Variants in RABGAP1L observed in about 807,000 individuals in gnomAD.
RABGAP1L encodes rab GTPase-activating protein 1-like.
Under a neutral mutation model 137.7 loss-of-function variants are expected in RABGAP1L, and 63 were observed. The ratio of observed to expected loss-of-function variants is 0.46; its 90% CI spans 0.37 to 0.56. RABGAP1L has a LOEUF of 0.56. Ranked by LOEUF, RABGAP1L falls within the 20% of genes least tolerant of loss-of-function variation. The pLI, the probability that RABGAP1L is intolerant of heterozygous loss-of-function variation, is 0.00. For missense variants in RABGAP1L, 1,095 were observed against 1,244.0 expected (o/e 0.88, Z 1.80); for synonymous variants, 431 against 433.7 (o/e 0.99, Z 0.08).
chr1:174,293,340 A>G (rs993907224), intron 10 of RABGAP1L, among the ~76,000 whole-genome samples: 1 of 152,164 alleles, frequency 6.6e-6, no homozygotes, highest in African/African-American at 2.4e-5. Flanking sequence ...GGTAAAATTC[A>G]GTGATTTATG....
chr1:174,367,984 C>T (rs1367098010), intron 11 of RABGAP1L: 1 of 153,388 alleles, frequency 6.5e-6, no homozygotes, highest in African/African-American at 2.4e-5. Flanking sequence ...TGCGAGCTTT[C>T]AGCAGCTGTG....
intron 7 of RABGAP1L, among the ~76,000 whole-genome samples, chr1:174,270,571 G>A (rs1001016082): frequency 6.6e-5 from 10 of 151,782 alleles, no homozygotes; most frequent in African/African-American, 2.4e-4. Flanking sequence ...TAAGAAATCT[G>A]CACTTGTAAT....
chr1:174,382,987 T>G (rs1490120526), intron 12 of RABGAP1L, among the ~76,000 whole-genome samples: 13 of 151,100 alleles, frequency 8.6e-5, no homozygotes, highest in South Asian at 2.1e-4. Context: ...GTCCTTTCTG[T>G]TTGTTAGTTT....
intron 1 of RABGAP1L, among the ~76,000 whole-genome samples, chr1:174,204,613 G>T (rs567491817): frequency 6.6e-6 from 1 of 152,232 alleles, no homozygotes; most frequent in East Asian, 1.9e-4. Context: ...ACATGAAGGG[G>T]TGTTGAATTT....
intron 10 of RABGAP1L, among the ~76,000 whole-genome samples, chr1:174,297,221 G>T (rs567512233): frequency 1.3e-4 from 20 of 152,310 alleles, no homozygotes; most frequent in African/African-American, 4.8e-4. Flanking sequence ...AGTTTTACAT[G>T]ACATAGTGTT....
chr1:174,926,110 C>A (rs370353797), intron 19 of RABGAP1L, among the ~76,000 whole-genome samples: 1 of 152,028 alleles, frequency 6.6e-6, no homozygotes, highest in Admixed American at 6.6e-5. Context: ...TGTAATAATA[C>A]TGCCTTAATT....
intron 1 of RABGAP1L, among the ~76,000 whole-genome samples, chr1:174,208,354 A>G (rs1668641738): frequency 6.6e-6 from 1 of 151,634 alleles, no homozygotes; most frequent in African/African-American, 2.4e-5. Context: ...TTCCTTTCCA[A>G]TCTGTATACG....
chr1:174,302,414 G>A (rs1367991760), intron 10 of RABGAP1L, among the ~76,000 whole-genome samples: 1 of 152,178 alleles, frequency 6.6e-6, no homozygotes, highest in Non-Finnish European at 1.5e-5. Flanking sequence ...AAAGAGAGAG[G>A]TCTCAAGAAA....
intron 19 of RABGAP1L, among the ~76,000 whole-genome samples, chr1:174,912,956 C>T (rs1224060036): frequency 6.6e-6 from 1 of 151,624 alleles, no homozygotes; most frequent in African/African-American, 2.4e-5. Flanking sequence ...GCATAGTTTA[C>T]TGTCTACATG....
intron 18 of RABGAP1L, among the ~76,000 whole-genome samples, chr1:174,794,687 A>G (rs1368345411): frequency 6.6e-6 from 1 of 152,196 alleles, no homozygotes; most frequent in Non-Finnish European, 1.5e-5. Context: ...CCATCCCAGT[A>G]GTATAAACCC....
chr1:174,315,442 T>A (rs1408262807), intron 11 of RABGAP1L, among the ~76,000 whole-genome samples: 2 of 152,148 alleles, frequency 1.3e-5, no homozygotes, highest in Admixed American at 1.3e-4. Context: ...GCTTTTTCAT[T>A]CATTTAGCCA....
chr1:174,452,268 A>G (rs1277764008), intron 13 of RABGAP1L, among the ~76,000 whole-genome samples: 3 of 152,184 alleles, frequency 2.0e-5, no homozygotes, highest in Admixed American at 1.3e-4. Flanking sequence ...TATTATTTGC[A>G]TAGTTGTTTC....
At chr1:174,830,637 T>C (rs1692019723) in intron 19 of RABGAP1L, among the ~76,000 whole-genome samples, 1 of 147,216 alleles carries the variant, frequency 6.8e-6, no homozygotes, top group African/African-American at 2.5e-5. Flanking sequence ...CCACCATGCC[T>C]GGCCAATTTT....
intron 15 of RABGAP1L, among the ~76,000 whole-genome samples, chr1:174,697,981 G>A (rs1038044317): frequency 1.3e-5 from 2 of 152,160 alleles, no homozygotes; most frequent in Non-Finnish European, 2.9e-5. Context: ...ACAAATTTGG[G>A]TATTTTGTGG....
intron 19 of RABGAP1L, among the ~76,000 whole-genome samples, chr1:174,942,943 T>G (rs1666135235): frequency 6.6e-6 from 1 of 152,228 alleles, no homozygotes; most frequent in African/African-American, 2.4e-5. Context: ...GAAACTATCT[T>G]CTTTGTCTTC....
rs777790086 is a variant in RABGAP1L at position 174,957,515 on chromosome 1, A to G, written c.2399A>G (p.Gln800Arg). 1.2e-6 allele frequency: 2 copies of G among 1,613,220 alleles called. No individual in the cohort carries two copies. The highest frequency in any genetic ancestry group is 1.7e-6 in the Non-Finnish European group (2 of 1,179,214). ...EKEYQTMRESQLQQEDPMDRY... is the reference protein window; with the variant it reads ...EKEYQTMRESRLQQEDPMDRY... Reference sequence around the variant, plus strand: ...GAATATCAGACAATGCGAGAGAGTCAGCTGCAACAGGAAGACCCAATGGAT... The same window carrying G: ...GAATATCAGACAATGCGAGAGAGTCGGCTGCAACAGGAAGACCCAATGGAT... The change falls in exon 20 of 26, where the codon CAG (glutamine) becomes CGG (arginine). Residue 800 changes from glutamine (Q) to arginine (R), a missense_variant. Transcript: ENST00000681986.
chr1:174,398,307 T>G (rs1648123815), intron 13 of RABGAP1L, among the ~76,000 whole-genome samples: 1 of 152,024 alleles, frequency 6.6e-6, no homozygotes, highest in South Asian at 2.1e-4. Flanking sequence ...GAAAAGAAGG[T>G]AGGGACACAG....
intron 19 of RABGAP1L, among the ~76,000 whole-genome samples, chr1:174,825,923 G>A (rs1691521107): frequency 6.6e-6 from 1 of 152,024 alleles, no homozygotes; most frequent in Admixed American, 6.6e-5. Flanking sequence ...AAGAATCAAG[G>A]GTACAGGTGC....
At chr1:174,934,509 A>G (rs1223524984) in intron 19 of RABGAP1L, among the ~76,000 whole-genome samples, 2 of 152,128 alleles carry the variant, frequency 1.3e-5, no homozygotes, top group African/African-American at 2.4e-5. Context: ...CTTCAAGGCC[A>G]GGCATGGTGG....
Sources: gnomAD v4.1 joint callset for allele counts (sites outside exome capture counted in the v4.1 genomes callset) on GRCh38, gnomAD v4.1.1 for gene constraint, MANE v1.5 for transcripts, NCBI Gene and HGNC (gene_info 2026-07-23, HGNC 2026-07-21) for gene names.